Variants in PRKCE observed in about 807,000 individuals in gnomAD.
The protein encoded by PRKCE is protein kinase C epsilon.
Under a neutral mutation model 85.4 loss-of-function variants are expected in PRKCE, and 16 were observed. The observed-to-expected ratio is 0.19, with a 90% CI of 0.13 to 0.28. The LOEUF is 0.28. PRKCE is among the 10% of genes least tolerant of loss of function. The pLI is 1.00. For missense variants in PRKCE, 573 were observed against 975.2 expected (o/e 0.59, Z 5.49); for synonymous variants, 388 against 371.5 (o/e 1.04, Z -0.51).
At chr2:46,108,116 CAG>C (rs1453304266) in intron 11 of PRKCE, among the ~76,000 whole-genome samples, 1 of 152,162 alleles carries the variant, frequency 6.6e-6, no homozygotes, top group South Asian at 2.1e-4. Context: ...TTTTTTGAGA[CAG>C]GGTGTCGCTC....
chr2:46,063,271 A>C (rs1173310870), intron 10 of PRKCE, among the ~76,000 whole-genome samples: 2 of 151,938 alleles, frequency 1.3e-5, no homozygotes, highest in African/African-American at 4.8e-5. Flanking sequence ...GTGATATTCT[A>C]GGAGGAGAAA....
At chr2:45,781,711 C>T (rs1686205504) in intron 1 of PRKCE, among the ~76,000 whole-genome samples, 1 of 152,008 alleles carries the variant, frequency 6.6e-6, no homozygotes, top group African/African-American at 2.4e-5. Context: ...GTGGTCTGAT[C>T]TCTGTGAAAT....
chr2:45,672,440 A>C (rs1676219808), intron 1 of PRKCE, among the ~76,000 whole-genome samples: 1 of 152,090 alleles, frequency 6.6e-6, no homozygotes, highest in South Asian at 2.1e-4. Context: ...CTCTCCATCC[A>C]TCCATCCAGC....
At chr2:45,993,391 C>G (rs1220843979) in intron 6 of PRKCE, among the ~76,000 whole-genome samples, 2 of 152,206 alleles carry the variant, frequency 1.3e-5, no homozygotes, top group South Asian at 4.1e-4. Context: ...GTCACTATCT[C>G]ACATCGTGCA....
chr2:45,911,587 T>A (rs1215857215), intron 2 of PRKCE, among the ~76,000 whole-genome samples: 1 of 152,186 alleles, frequency 6.6e-6, no homozygotes, highest in Admixed American at 6.5e-5. Flanking sequence ...GGCAGAGGGA[T>A]GGGCTGATTG....
chr2:46,002,481 G>A (rs912283236), intron 7 of PRKCE, among the ~76,000 whole-genome samples: 4 of 152,156 alleles, frequency 2.6e-5, no homozygotes, highest in East Asian at 1.9e-4. Context: ...TGGTCATCTT[G>A]TCATGTTAGA....
At chr2:45,945,783 A>T (rs1700203789) in intron 2 of PRKCE, among the ~76,000 whole-genome samples, 1 of 152,250 alleles carries the variant, frequency 6.6e-6, no homozygotes, top group African/African-American at 2.4e-5. Flanking sequence ...CATCTGGCAA[A>T]GCCAGGGCTG....
At position 46,004,894 on chromosome 2, in the gene PRKCE, GTT is replaced by G. The variant is rs1374247242; in HGVS notation, c.1063+257_1063+258del. ...GGTAAGAGGAGAGCGAGTGTATGATGTTATGGTTATCTGTTTTCCCTTGCCTC... is the reference window on the plus strand; with the variant it reads ...GGTAAGAGGAGAGCGAGTGTATGATGATGGTTATCTGTTTTCCCTTGCCTC... On this transcript the variant is annotated intron_variant, in intron 8 of 14. Coordinates refer to ENST00000306156, the MANE Select transcript of PRKCE (RefSeq NM_005400.3). This position sits in a 1 kb window ranked among gnomAD's most constrained non-coding sequence, Gnocchi z 4.1. 6.6e-6 allele frequency among the ~76,000 whole-genome samples: 1 copy of G among 152,090 alleles called. No individual in the cohort carries two copies. Among genetic ancestry groups the G allele is most frequent in the Non-Finnish European group, 1.5e-5 (1 of 68,002 alleles).
intron 10 of PRKCE, among the ~76,000 whole-genome samples, chr2:46,016,863 C>G (rs1302365156): frequency 5.4e-5 from 8 of 148,278 alleles, no homozygotes; most frequent in Non-Finnish European, 8.9e-5. Flanking sequence ...GAGCCGAGAT[C>G]GTCCCACTGC....
chr2:45,936,118 C>T (rs1208780560), intron 2 of PRKCE, among the ~76,000 whole-genome samples: 1 of 152,162 alleles, frequency 6.6e-6, no homozygotes, highest in African/African-American at 2.4e-5. Flanking sequence ...GGAGGGCAGG[C>T]ACTGAGGGCC....
intron 1 of PRKCE, among the ~76,000 whole-genome samples, chr2:45,782,012 TTTGGTTA>T (rs1686230488): frequency 6.6e-6 from 1 of 152,158 alleles, no homozygotes; most frequent in South Asian, 2.1e-4. Flanking sequence ...GAGCCTCGTT[TTTGGTTA>T]TGAGTTTTAT....
chr2:46,099,679 G>A (rs1007986021), intron 11 of PRKCE, among the ~76,000 whole-genome samples: 5 of 152,124 alleles, frequency 3.3e-5, no homozygotes, highest in Admixed American at 2.0e-4. Context: ...TTGGTTGACT[G>A]ACCCTACAGA....
At chr2:45,918,782 G>C (rs1162961031) in intron 2 of PRKCE, among the ~76,000 whole-genome samples, 1 of 152,198 alleles carries the variant, frequency 6.6e-6, no homozygotes, top group Non-Finnish European at 1.5e-5. Flanking sequence ...GGGGGGAATG[G>C]GAAGGGAGGG....
chr2:45,995,603 T>G (rs1293123581), intron 6 of PRKCE, among the ~76,000 whole-genome samples: 1 of 152,216 alleles, frequency 6.6e-6, no homozygotes, highest in Admixed American at 6.5e-5. Context: ...GAAAACTGTC[T>G]TTGCTCCATT....
At chr2:45,792,473 C>T (rs936947025) in intron 1 of PRKCE, among the ~76,000 whole-genome samples, 1 of 151,792 alleles carries the variant, frequency 6.6e-6, no homozygotes, top group Admixed American at 6.5e-5. Context: ...ATCCCTACCC[C>T]AAACACAAAG....
At chr2:46,147,954 A>C (rs900509286) in intron 12 of PRKCE, among the ~76,000 whole-genome samples, 2 of 152,210 alleles carry the variant, frequency 1.3e-5, no homozygotes, top group Admixed American at 6.5e-5. Flanking sequence ...TACCTCATCA[A>C]GCTGCTTTGA....
rs1421507388 is a variant in PRKCE, at chr2:45,857,731, A to T, written c.412+14668A>T. ...CCCAGCATTTTGATTTTTTTTTTTT[A>T]AAGGGTAGGAGGCAATAAAGTATTC... On this transcript the variant is annotated intron_variant, in intron 2 of 14. Transcript: ENST00000306156. Among the ~76,000 whole-genome samples, 7 of 150,028 alleles carry T rather than the reference A, an allele frequency of 4.7e-5. No individual in the cohort carries two copies. The South Asian group carries it at 6.3e-4, about 14-fold the overall frequency.
At chr2:45,810,288 G>A (rs531972341) in intron 1 of PRKCE, among the ~76,000 whole-genome samples, 46 of 152,116 alleles carry the variant, frequency 3.0e-4, no homozygotes, top group African/African-American at 9.4e-4. Flanking sequence ...TGATCCACCC[G>A]CCTCGGCCTC....
At chr2:46,080,602 C>T (rs952862126) in intron 10 of PRKCE, among the ~76,000 whole-genome samples, 11 of 152,152 alleles carry the variant, frequency 7.2e-5, no homozygotes, top group African/African-American at 2.7e-4. Flanking sequence ...AGTTGCTGGA[C>T]TACAGTAAGG....
Sources: gnomAD v4.1 joint callset for allele counts (sites outside exome capture counted in the v4.1 genomes callset) on GRCh38, gnomAD v4.1.1 for gene constraint, Gnocchi (gnomAD v3.1) non-coding constraint, MANE v1.5 for transcripts, NCBI Gene and HGNC (gene_info 2026-07-23, HGNC 2026-07-21) for gene names.